CTNNA2: variants seen among roughly 807,000 people sequenced by gnomAD.
The protein encoded by CTNNA2 is catenin alpha 2, also known as catenin alpha-2.
A neutral mutation model predicts 101.0 loss-of-function variants in CTNNA2; 42 were observed. The observed-to-expected ratio is 0.42, with a 90% CI of 0.32 to 0.54. The LOEUF (loss-of-function observed/expected upper bound fraction) is 0.54. Ranked by LOEUF, CTNNA2 falls within the 20% of genes least tolerant of loss-of-function variation. The pLI is 0.14. For missense variants in CTNNA2, 871 were observed against 1,223.1 expected (o/e 0.71, Z 4.29); for synonymous variants, 450 against 456.4 (o/e 0.99, Z 0.18).
At chr2:79,463,841 A>G (rs931342874) in intron 4 of CTNNA2, among the ~76,000 whole-genome samples, 1 of 152,192 alleles carries the variant, frequency 6.6e-6, no homozygotes, top group African/African-American at 2.4e-5. Context: ...AGCGCCACTT[A>G]TTAAGAGGCA....
At chr2:80,142,055 G>A (rs1205039256) in intron 7 of CTNNA2, among the ~76,000 whole-genome samples, 2 of 152,068 alleles carry the variant, frequency 1.3e-5, no homozygotes, top group East Asian at 3.9e-4. Flanking sequence ...GAGGTCAGAT[G>A]TAATATTCTG....
intron 7 of CTNNA2, among the ~76,000 whole-genome samples, chr2:79,996,630 A>G (rs1456317176): frequency 3.3e-5 from 5 of 152,160 alleles, no homozygotes; most frequent in African/African-American, 1.2e-4. Context: ...TATACAAAGG[A>G]GAGATTTTAT....
chr2:79,860,742 A>G (rs189943858), intron 4 of CTNNA2, among the ~76,000 whole-genome samples: 33 of 152,182 alleles, frequency 2.2e-4, no homozygotes, highest in Admixed American at 2.0e-3. Context: ...GGAGCAAGTG[A>G]GGAACTACAG....
At chr2:79,520,355 A>G (rs1367396) in intron 1 of CTNNA2, among the ~76,000 whole-genome samples, 2,719 of 152,152 alleles carry the variant, frequency 0.018, 64 homozygotes, top group African/African-American at 0.054. Flanking sequence ...TCCTTTTTGC[A>G]TTGAGCATAA....
chr2:80,093,105 T>G (rs184242947), intron 7 of CTNNA2, among the ~76,000 whole-genome samples: 48 of 152,170 alleles, frequency 3.2e-4, no homozygotes, highest in African/African-American at 8.7e-4. Context: ...GCCGCACCCA[T>G]TAACTCATCA....
intron 2 of CTNNA2, among the ~76,000 whole-genome samples, chr2:79,234,306 G>T (rs1368243694): frequency 6.6e-6 from 1 of 152,000 alleles, no homozygotes; most frequent in African/African-American, 2.4e-5. Flanking sequence ...GATTAGTTTG[G>T]TGAGGTATGA....
At chr2:80,594,853 T>C (rs771138618) in intron 15 of CTNNA2, among the ~76,000 whole-genome samples, 1 of 152,070 alleles carries the variant, frequency 6.6e-6, no homozygotes, top group Non-Finnish European at 1.5e-5. Context: ...ATTTCTGAAC[T>C]CCATTCTATT....
intron 9 of CTNNA2, among the ~76,000 whole-genome samples, chr2:80,444,902 G>A (rs575648560): frequency 6.6e-6 from 1 of 152,160 alleles, no homozygotes; most frequent in African/African-American, 2.4e-5. Context: ...GCCCAAGCAG[G>A]CTAAGCTGTT....
chr2:79,607,129 A>G (rs1350083103), intron 1 of CTNNA2, among the ~76,000 whole-genome samples: 1 of 152,214 alleles, frequency 6.6e-6, no homozygotes, highest in Non-Finnish European at 1.5e-5. Context: ...TGGAATGACT[A>G]CACGAATATT....
chr2:79,841,816 A>G (rs1169396375), intron 3 of CTNNA2, among the ~76,000 whole-genome samples: 3 of 152,238 alleles, frequency 2.0e-5, no homozygotes, highest in African/African-American at 7.2e-5. Flanking sequence ...CTCTTGTACC[A>G]TTGGCTACCT....
intron 4 of CTNNA2, among the ~76,000 whole-genome samples, chr2:79,404,092 C>T (rs147784212): frequency 2.1e-3 from 313 of 151,492 alleles, no homozygotes; most frequent in African/African-American, 7.2e-3. Flanking sequence ...CATACAGTTG[C>T]TTTCAGGATA....
intron 7 of CTNNA2, among the ~76,000 whole-genome samples, chr2:80,208,887 T>A (rs572967068): frequency 6.6e-6 from 1 of 152,204 alleles, no homozygotes; most frequent in Non-Finnish European, 1.5e-5. Flanking sequence ...TAGGAGCATT[T>A]ACACTGGCCA....
At chr2:80,425,273 G>A (rs114125220) in intron 9 of CTNNA2, among the ~76,000 whole-genome samples, 1 of 152,252 alleles carries the variant, frequency 6.6e-6, no homozygotes, top group Non-Finnish European at 1.5e-5. Flanking sequence ...GTCAAGAAGC[G>A]CAAATTCCTG....
chr2:79,582,614 T>G (rs1419564793), intron 1 of CTNNA2, among the ~76,000 whole-genome samples: 1 of 152,236 alleles, frequency 6.6e-6, no homozygotes, highest in South Asian at 2.1e-4. Context: ...CACAATTAGA[T>G]TCTTTTCTAA....
intron 9 of CTNNA2, among the ~76,000 whole-genome samples, chr2:80,427,165 T>C (rs1025948491): frequency 4.6e-5 from 7 of 152,204 alleles, no homozygotes; most frequent in Non-Finnish European, 1.0e-4. Context: ...TAGCCAGTGA[T>C]GTTGCCAGCT....
At chr2:79,202,336 T>TTA (rs1201539160) in intron 2 of CTNNA2, among the ~76,000 whole-genome samples, 1 of 100,298 alleles carries the variant, frequency 1.0e-5, no homozygotes, top group African/African-American at 3.8e-5. Context: ...TGTTTTTTTA[T>TTA]TTTTTTTATT....
intron 1 of CTNNA2, among the ~76,000 whole-genome samples, chr2:79,619,040 T>TC (rs1400475934): frequency 1.3e-5 from 2 of 152,004 alleles, no homozygotes; most frequent in Non-Finnish European, 2.9e-5. Context: ...ACCCAGTCTC[T>TC]CCAAAAAATA....
At chr2:79,681,768 T>G (rs2104644237) in intron 2 of CTNNA2, among the ~76,000 whole-genome samples, 1 of 152,358 alleles carries the variant, frequency 6.6e-6, no homozygotes, top group African/African-American at 2.4e-5. Flanking sequence ...GCAGACTTAT[T>G]ATGTACAAGT....
chr2:79,333,350 G>T (rs1295971748), intron 3 of CTNNA2, among the ~76,000 whole-genome samples: 1 of 152,098 alleles, frequency 6.6e-6, no homozygotes, highest in Non-Finnish European at 1.5e-5. Flanking sequence ...AGCCTACACA[G>T]GTCCCAGTAC....
Sources: allele counts gnomAD v4.1 joint callset (sites outside exome capture counted in the v4.1 genomes callset), GRCh38; gene constraint gnomAD v4.1.1; transcripts MANE v1.5; gene names NCBI Gene and HGNC (gene_info 2026-07-23, HGNC 2026-07-21).